Variants in PCDHGA3 observed in about 807,000 individuals in gnomAD.
PCDHGA3 encodes protocadherin gamma-A3.
In PCDHGA3, 40 loss-of-function variants were observed where a neutral mutation model predicts 58.5. That is an observed-to-expected ratio of 0.68 (90% CI 0.53 to 0.89). The LOEUF (loss-of-function observed/expected upper bound fraction) is 0.89. Among genes scored for constraint, PCDHGA3 ranks in the 40% least tolerant of loss-of-function variants. The pLI is 0.00. For synonymous variants in PCDHGA3, 530 were observed against 525.7 expected (o/e 1.01, Z -0.11); for missense variants, 1,223 against 1,195.9 (o/e 1.02, Z -0.33).
chr5:141,448,756 C>T (rs938202200), intron 1 of PCDHGA3, among the ~76,000 whole-genome samples: 1 of 151,742 alleles, frequency 6.6e-6, no homozygotes, highest in African/African-American at 2.4e-5. Context: ...CTGGCTAACA[C>T]GGTGAAACCC....
chr5:141,420,067 A>G (rs2096463342), intron 1 of PCDHGA3: 2 of 1,614,034 alleles, frequency 1.2e-6, no homozygotes, highest in East Asian at 2.2e-5. Flanking sequence ...CCAAGTCCGG[A>G]CCTGTGGGTC....
At chr5:141,366,522 G>C (rs1159035033) in intron 1 of PCDHGA3, 2 of 1,614,158 alleles carry the variant, frequency 1.2e-6, no homozygotes, top group Non-Finnish European at 1.7e-6. Context: ...GAAGGCAGCA[G>C]GTTGGCGGGT....
At chr5:141,478,189 C>T (rs774322691) in intron 1 of PCDHGA3, 1 of 1,614,020 alleles carries the variant, frequency 6.2e-7, no homozygotes, top group South Asian at 1.1e-5. Context: ...AAAATCTCAC[C>T]TTTTATCTAC....
At chr5:141,418,577 C>T (rs1173424447) in intron 1 of PCDHGA3, 2 of 1,614,038 alleles carry the variant, frequency 1.2e-6, no homozygotes, top group South Asian at 1.1e-5. Context: ...TGACAACCCC[C>T]CAGTGTTCAG....
chr5:141,356,800 G>C, intron 1 of PCDHGA3: 2 of 1,614,046 alleles, frequency 1.2e-6, no homozygotes, highest in Non-Finnish European at 1.7e-6. Flanking sequence ...GCTGATGACA[G>C]CCAGTGACAG....
At chr5:141,372,757 T>A (rs1435453699) in intron 1 of PCDHGA3, 1 of 1,613,122 alleles carries the variant, frequency 6.2e-7, no homozygotes, top group Non-Finnish European at 8.5e-7. Context: ...GCCTCTTGGT[T>A]TGAAAGTAAT....
At chr5:141,408,632 G>C (rs2154540395) in intron 1 of PCDHGA3, 3 of 1,613,952 alleles carry the variant, frequency 1.9e-6, no homozygotes, top group Non-Finnish European at 1.7e-6. Flanking sequence ...AGAAATTTTC[G>C]AATCTGCATC....
chr5:141,494,676 C>G, intron 1 of PCDHGA3, 131 bp from the exon 2 acceptor site: 1 of 1,550,918 alleles, frequency 6.4e-7, no homozygotes, highest in African/African-American at 1.4e-5. Context: ...GAGTCCACCC[C>G]TGCCCCCTCT....
Position 141,361,067 on chromosome 5 carries a change from T to C in PCDHGA3, c.2424+14610T>C, listed in dbSNP as rs372172777. On this transcript the variant is annotated intron_variant, in intron 1 of 3. Transcript: ENST00000253812. ...ACAAAGGATGATTTGGATTTTGAGA[T>C]TGCAAGTAGTTACACTCTGAGTATC... 4.3e-6 allele frequency: 7 copies of C among 1,613,804 alleles called. 1 individual carries two copies. In the South Asian group the frequency reaches 5.5e-5, roughly 13 times the overall value.
chr5:141,408,897 T>C (rs1156707427), intron 1 of PCDHGA3: 1 of 1,613,118 alleles, frequency 6.2e-7, no homozygotes, highest in East Asian at 2.2e-5. Context: ...GAAATTTCTG[T>C]CAAGGATACC....
At chr5:141,392,559 A>T in intron 1 of PCDHGA3, 2 of 384,544 alleles carry the variant, frequency 5.2e-6, no homozygotes, top group Non-Finnish European at 4.6e-6. Context: ...ATCTCAGTGC[A>T]GTAACTATTT....
rs945917670 is a variant in PCDHGA3, at chr5:141,377,790, T to G, written c.2424+31333T>G. On this transcript the variant is annotated intron_variant, in intron 1 of 3. Transcript: ENST00000253812. ...TGGTGTTAAAAGACCTGAATAACAT[T>G]CCTGTAACTATCTGTTATTTACTTG... 2.6e-5 allele frequency: 4 copies of G among 152,296 alleles called. No individual in the cohort carries two copies. The East Asian group carries it at 7.7e-4, about 29-fold the overall frequency. 9.4% of individuals were successfully genotyped at this position (152,296 alleles called of 1,614,324 possible).
chr5:141,403,007 C>T (rs774624797), intron 1 of PCDHGA3: 10 of 1,613,940 alleles, frequency 6.2e-6, no homozygotes, highest in Non-Finnish European at 8.5e-6. Context: ...GCTATGCTCG[C>T]TCCTGGGGAT....
intron 1 of PCDHGA3, chr5:141,419,059 T>C (rs574873856): frequency 1.6e-5 from 26 of 1,613,962 alleles, no homozygotes; most frequent in Non-Finnish European, 2.0e-5. Context: ...CTTCTAATAA[T>C]TACTACAAGC....
intron 1 of PCDHGA3, chr5:141,419,088 T>G (rs2096325159): frequency 1.2e-6 from 2 of 1,613,940 alleles, no homozygotes; most frequent in Non-Finnish European, 1.7e-6. Flanking sequence ...GATGAGGCCC[T>G]GGATCGGGAG....
chr5:141,418,411 C>T, intron 1 of PCDHGA3: 1 of 1,613,986 alleles, frequency 6.2e-7, no homozygotes, highest in East Asian at 2.2e-5. Flanking sequence ...TGGAGAAAGA[C>T]AATCCTGATG....
At chr5:141,453,989 A>T (rs902043628) in intron 1 of PCDHGA3, among the ~76,000 whole-genome samples, 6 of 152,256 alleles carry the variant, frequency 3.9e-5, no homozygotes, top group African/African-American at 1.4e-4. Context: ...CCTTCCAGTG[A>T]TAAACCCACA....
At position 141,393,057 on chromosome 5, in the gene PCDHGA3, G is replaced by C. The variant is rs1273747847; in HGVS notation, c.2424+46600G>C. 9 of 1,613,514 alleles carry C rather than the reference G, an allele frequency of 5.6e-6. No homozygotes were observed. The highest frequency in any genetic ancestry group is 2.2e-5 in the South Asian group (2 of 91,064). ...GCTCTTTGCTCTGAACCCGCGCAGC[G>C]GCAGCTTGATCACCGCGGGCAGGAT... On this transcript the variant is annotated intron_variant, in intron 1 of 3. Coordinates refer to ENST00000253812, the MANE Select transcript of PCDHGA3 (RefSeq NM_018916.4).
At chr5:141,361,619 A>G in intron 1 of PCDHGA3, 4 of 1,613,920 alleles carry the variant, frequency 2.5e-6, no homozygotes, top group Non-Finnish European at 3.4e-6. Context: ...GTAGCGAGCG[A>G]CCTGAAGCCG....
Sources: allele counts gnomAD v4.1 joint callset (sites outside exome capture counted in the v4.1 genomes callset), GRCh38; gene constraint gnomAD v4.1.1; transcripts MANE v1.5; gene names NCBI Gene and HGNC (gene_info 2026-07-23, HGNC 2026-07-21).